The following PLEKHM3 variants were observed in gnomAD, a reference collection of about 807,000 sequenced individuals.
PLEKHM3 encodes the protein pleckstrin homology domain containing M3.
Under a neutral mutation model 81.8 loss-of-function variants are expected in PLEKHM3, and 45 were observed. The ratio of observed to expected loss-of-function variants is 0.55; its 90% confidence interval spans 0.43 to 0.71. The LOEUF (loss-of-function observed/expected upper bound fraction) is 0.71. Among genes scored for constraint, PLEKHM3 ranks in the 30% least tolerant of loss-of-function variants. The pLI is 0.00. For synonymous variants in PLEKHM3, 352 were observed against 356.4 expected, an observed-to-expected ratio of 0.99 and a Z score of 0.14; for missense variants, 788 against 924.3, an observed-to-expected ratio of 0.85 and a Z score of 1.91.
intron 1 of PLEKHM3, among the ~76,000 whole-genome samples, chr2:208,024,253 G>T (rs1013792537): frequency 6.6e-6 from 1 of 151,992 alleles, no homozygotes; most frequent in African/African-American, 2.4e-5. Context: ...AAACAGAAGC[G>T]CTAAGTAAAC....
At chr2:207,985,320 T>C (rs921608648) in intron 2 of PLEKHM3, among the ~76,000 whole-genome samples, 1 of 151,934 alleles carries the variant, frequency 6.6e-6, no homozygotes, top group Non-Finnish European at 1.5e-5. Context: ...TCCCTTCTAG[T>C]TGAAAACAAC....
intron 2 of PLEKHM3, among the ~76,000 whole-genome samples, chr2:207,981,120 T>A (rs1273262695): frequency 5.4e-5 from 7 of 130,642 alleles, no homozygotes; most frequent in Non-Finnish European, 1.6e-5. Context: ...AGAGAGAGAC[T>A]CCATCTCAAA....
intron 5 of PLEKHM3, among the ~76,000 whole-genome samples, chr2:207,930,682 T>A (rs1317637276): frequency 6.6e-6 from 1 of 152,208 alleles, no homozygotes; most frequent in Admixed American, 6.5e-5. Context: ...ACTCGATCCA[T>A]GGGTGAAAGC....
intron 3 of PLEKHM3, among the ~76,000 whole-genome samples, chr2:207,965,596 G>A (rs1423189841): frequency 1.3e-5 from 2 of 152,150 alleles, no homozygotes; most frequent in Admixed American, 6.5e-5. Context: ...CTTATATAAA[G>A]TGATCAAATC....
intron 7 of PLEKHM3, among the ~76,000 whole-genome samples, chr2:207,860,149 CTCTGTG>C (rs1211252072): frequency 2.0e-4 from 13 of 63,836 alleles, no homozygotes; most frequent in African/African-American, 7.6e-4. Context: ...TGAACTCTGC[CTCTGTG>C]TGTGTGTGTG....
chr2:207,919,684 G>A (rs536048302), intron 5 of PLEKHM3, among the ~76,000 whole-genome samples: 2 of 152,296 alleles, frequency 1.3e-5, no homozygotes, highest in Admixed American at 6.5e-5. Flanking sequence ...TGCAATGTGA[G>A]TGGGCGTGGG....
In PLEKHM3 at chr2:207,840,250, T is replaced by A. The variant is rs576954179; in HGVS notation, c.2109-11754A>T. ...TGCCCAGGCTGGAGTGCAAGTGTGA[T>A]CATAGTTCACTGCAGCCTCAAACTG... On this transcript the variant is annotated intron_variant, in intron 7 of 7. Coordinates refer to ENST00000427836, the MANE Select transcript of PLEKHM3 (RefSeq NM_001080475.3). 3.3e-5 allele frequency among the ~76,000 whole-genome samples: 5 copies of A among 152,222 alleles called. 1 individual carries two copies. The highest frequency in any genetic ancestry group is 9.6e-5 in the African/African-American group (4 of 41,554).
At chr2:207,834,599 AT>A (rs2092307612) in intron 7 of PLEKHM3, among the ~76,000 whole-genome samples, 1 of 150,684 alleles carries the variant, frequency 6.6e-6, no homozygotes, top group Non-Finnish European at 1.5e-5. Flanking sequence ...CTAATTTTGT[AT>A]TTTTAGTAGA....
At chr2:208,010,536 C>T (rs1302474892) in intron 1 of PLEKHM3, among the ~76,000 whole-genome samples, 1 of 152,168 alleles carries the variant, frequency 6.6e-6, no homozygotes, top group African/African-American at 2.4e-5. Flanking sequence ...TTAGCTTTAT[C>T]TTGGGACTGA....
At chr2:207,923,905 A>ATATATATATTTTTTT (rs1396762429) in intron 5 of PLEKHM3, among the ~76,000 whole-genome samples, 4 of 28,338 alleles carry the variant, frequency 1.4e-4, no homozygotes, top group Non-Finnish European at 2.6e-4. Flanking sequence ...ATATATATAT[A>ATATATATATTTTTTT]TTTTTTTTTT....
At chr2:207,880,771 A>C (rs12474655) in intron 6 of PLEKHM3, among the ~76,000 whole-genome samples, 1 of 128,012 alleles carries the variant, frequency 7.8e-6, no homozygotes, top group African/African-American at 3.3e-5. Context: ...TCAAAAAAAA[A>C]AAAAAAAAAA....
intron 6 of PLEKHM3, among the ~76,000 whole-genome samples, chr2:207,885,418 A>G (rs1390558695): frequency 6.6e-6 from 1 of 152,164 alleles, no homozygotes; most frequent in East Asian, 1.9e-4. Context: ...CCTTTTGCAA[A>G]TCTATCAGCA....
chr2:207,981,640 C>G (rs1385831815), intron 2 of PLEKHM3, among the ~76,000 whole-genome samples: 1 of 152,128 alleles, frequency 6.6e-6, no homozygotes, highest in East Asian at 1.9e-4. Context: ...AGCCACTGCA[C>G]CCAGACTGAA....
At chr2:207,942,055 G>A (rs1356704082) in intron 4 of PLEKHM3, among the ~76,000 whole-genome samples, 1 of 152,214 alleles carries the variant, frequency 6.6e-6, no homozygotes, top group Non-Finnish European at 1.5e-5. Flanking sequence ...GTGGAAAACA[G>A]TATGGGAGTT....
chr2:207,892,893 T>C (rs1260236481), intron 6 of PLEKHM3, among the ~76,000 whole-genome samples: 1 of 152,218 alleles, frequency 6.6e-6, no homozygotes, highest in African/African-American at 2.4e-5. Context: ...TCAGGCGATG[T>C]GGCTTAAGCA....
intron 3 of PLEKHM3, among the ~76,000 whole-genome samples, chr2:207,956,885 A>G (rs1220591619): frequency 6.6e-6 from 1 of 151,968 alleles, no homozygotes; most frequent in Non-Finnish European, 1.5e-5. Flanking sequence ...GTACGCTTTG[A>G]AAAGATTAAT....
intron 6 of PLEKHM3, among the ~76,000 whole-genome samples, chr2:207,893,986 G>A (rs774159364): frequency 3.9e-5 from 6 of 152,062 alleles, no homozygotes; most frequent in Non-Finnish European, 2.9e-5. Flanking sequence ...GTGTGGTGGC[G>A]CACACCTGTA....
chr2:207,878,415 C>T (rs1017746222), intron 6 of PLEKHM3, among the ~76,000 whole-genome samples: 4 of 152,214 alleles, frequency 2.6e-5, no homozygotes, highest in South Asian at 2.1e-4. Flanking sequence ...TTGAGACCAG[C>T]CTGACCAACA....
In PLEKHM3 at chr2:207,844,586, G is replaced by A. The variant is rs944660651; in HGVS notation, c.2109-16090C>T. Among the ~76,000 whole-genome samples the A allele has an allele frequency of 5.3e-5, 8 of 152,186 alleles. No homozygotes were observed. The East Asian group carries it at 1.4e-3, about 26-fold the overall frequency. Reference sequence around the variant, plus strand: ...CTCCCAAAGTGCTGGGATTACAGGCGTGAGCCACTGCGCCCGGCCTATTTT... The same window carrying A: ...CTCCCAAAGTGCTGGGATTACAGGCATGAGCCACTGCGCCCGGCCTATTTT... On this transcript the variant is annotated intron_variant, in intron 7 of 7. Transcript: ENST00000427836.
Sources: gnomAD v4.1 joint callset for allele counts (sites outside exome capture counted in the v4.1 genomes callset) on GRCh38, gnomAD v4.1.1 for gene constraint, MANE v1.5 for transcripts, NCBI Gene and HGNC (gene_info 2026-07-23, HGNC 2026-07-21) for gene names.